Variants in RICTOR observed in about 807,000 individuals in gnomAD.
The protein encoded by RICTOR is rapamycin-insensitive companion of mTOR.
A neutral mutation model predicts 214.9 loss-of-function variants in RICTOR; 49 were observed. The ratio of observed to expected loss-of-function variants is 0.23; its 90% CI spans 0.18 to 0.29. The LOEUF (loss-of-function observed/expected upper bound fraction) is 0.29, where lower values mean the gene tolerates loss of function less well. Ranked by LOEUF, RICTOR falls within the 10% of genes least tolerant of loss-of-function variation. The probability of loss-of-function intolerance (pLI) is 1.00; values close to 1 mark genes in which losing one functional copy is unlikely to be tolerated. For synonymous variants in RICTOR, 717 were observed against 711.3 expected (o/e 1.01, Z -0.13); for missense variants, 1,625 against 2,047.0 (o/e 0.79, Z 3.98).
At chr5:38,969,316 T>C (rs1376830219) in intron 11 of RICTOR, among the ~76,000 whole-genome samples, 11 of 151,922 alleles carry the variant, frequency 7.2e-5, no homozygotes, top group African/African-American at 2.4e-4. Flanking sequence ...TAAAAAAATT[T>C]AAAAACAGAA....
At chr5:39,065,707 G>A (rs1758855674) in intron 2 of RICTOR, among the ~76,000 whole-genome samples, 1 of 152,196 alleles carries the variant, frequency 6.6e-6, no homozygotes. Flanking sequence ...CAAAAGAAAG[G>A]GGCTACAGGC....
intron 21 of RICTOR, among the ~76,000 whole-genome samples, chr5:38,959,522 T>A (rs1749601374): frequency 6.6e-6 from 1 of 152,168 alleles, no homozygotes; most frequent in African/African-American, 2.4e-5. Flanking sequence ...CATACATAGT[T>A]ACTATTTTGA....
Position 39,021,332 on chromosome 5 carries a change from C to A in RICTOR, c.98-196G>T, listed in dbSNP as rs188600990. 2.8e-3 allele frequency among the ~76,000 whole-genome samples: 426 copies of A among 152,256 alleles called. 3 individuals are homozygous for A. The highest frequency in any genetic ancestry group is 0.01 in the African/African-American group (417 of 41,556). On this transcript the variant is annotated intron_variant, in intron 2 of 37. Coordinates refer to ENST00000357387, the MANE Select transcript of RICTOR (RefSeq NM_152756.5). ...AACTTCACATCTCTACTCCCCTGTA[C>A]CCATGGTCCAGCTCTGTATCATTGC...
chr5:39,032,885 TG>T (rs1447061638), intron 2 of RICTOR, among the ~76,000 whole-genome samples: 1 of 152,198 alleles, frequency 6.6e-6, no homozygotes, highest in African/African-American at 2.4e-5. Flanking sequence ...CAACCCAACT[TG>T]GGGAACAACT....
chr5:38,960,909 A>G (rs1421118716), intron 19 of RICTOR, among the ~76,000 whole-genome samples: 1 of 152,048 alleles, frequency 6.6e-6, no homozygotes, highest in Non-Finnish European at 1.5e-5. Context: ...CCATATGAAG[A>G]AGGATATGTT....
At chr5:38,954,642 A>G (rs1467654536) in intron 27 of RICTOR, 132 bp downstream of exon 27, 4 of 602,020 alleles carry the variant, frequency 6.6e-6, no homozygotes, top group Non-Finnish European at 1.2e-5. Flanking sequence ...AAATAGATGA[A>G]TTTAAAAGCA....
chr5:38,953,022 T>G lies in RICTOR; in HGVS notation c.2860A>C (p.Lys954Gln). Residue 954 changes from lysine (K) to glutamine (Q), a missense_variant, in exon 29 of 38, where the codon AAA (lysine) becomes CAA (glutamine). Around this residue, in one of 5 missense-constraint regions of RICTOR, gnomAD observed 1,214 missense variants for 1,470.5 expected, o/e 0.83. Coordinates refer to ENST00000357387, the MANE Select transcript of RICTOR (RefSeq NM_152756.5). The part of the protein sequence containing the change: ...QEENVIPDIL[K>Q]LAKQCEVLSI... ...AGAACTTCACACTGTTTTGCAAGTT[T>G]TAGTATATCTGGAATCACGTTTTCT... is the stretch of plus-strand genomic sequence containing the variant. 1 of 1,610,266 alleles carries G rather than the reference T, an allele frequency of 6.2e-7. No individual in the cohort carries two copies. Among genetic ancestry groups the G allele is most frequent in the African/African-American group, 1.3e-5 (1 of 74,852 alleles).
chr5:39,049,069 GAAAA>G (rs1290264944), intron 2 of RICTOR, among the ~76,000 whole-genome samples: 6 of 151,870 alleles, frequency 4.0e-5, no homozygotes, highest in Non-Finnish European at 8.8e-5. Context: ...ATGGTTAAGG[GAAAA>G]AAACACCAAG....
chr5:38,944,572 GA>G lies in RICTOR; in HGVS notation c.4790-4del. 1 of 1,583,368 alleles carries G rather than the reference GA, an allele frequency of 6.3e-7. No homozygotes were observed. Among genetic ancestry groups the G allele is most frequent in the Non-Finnish European group, 8.6e-7 (1 of 1,169,196 alleles). ...ATCATCTGGAATTGTTTTAACACCT[GA>G]AAAGATTTCAGGGAGAAGTTAAATA... On this transcript the variant is annotated splice_region_variant and splice_polypyrimidine_tract_variant and intron_variant, in intron 35 of 37. Coordinates refer to ENST00000357387, the MANE Select transcript of RICTOR (RefSeq NM_152756.5).
intron 15 of RICTOR, among the ~76,000 whole-genome samples, chr5:38,965,411 A>G (rs1289609162): frequency 6.6e-6 from 1 of 152,064 alleles, no homozygotes. Flanking sequence ...CCAGCTATCA[A>G]TGAAGACAAG....
At chr5:38,988,854 A>T (rs1008640897) in intron 7 of RICTOR, among the ~76,000 whole-genome samples, 7 of 152,174 alleles carry the variant, frequency 4.6e-5, no homozygotes, top group Admixed American at 1.3e-4. Context: ...CTGCTCAAGG[A>T]AATAAGAGAG....
chr5:38,973,134 G>A (rs1490478409), intron 10 of RICTOR, among the ~76,000 whole-genome samples: 1 of 152,128 alleles, frequency 6.6e-6, no homozygotes, highest in Admixed American at 6.5e-5. Context: ...AAGAGTATAA[G>A]AGAACTTTCT....
intron 3 of RICTOR, among the ~76,000 whole-genome samples, chr5:39,015,370 G>A (rs1478189405): frequency 6.6e-6 from 1 of 152,106 alleles, no homozygotes; most frequent in African/African-American, 2.4e-5. Context: ...TCAAGACACA[G>A]TACAATTAAA....
chr5:38,978,933 T>A (rs114889327), intron 8 of RICTOR, among the ~76,000 whole-genome samples: 1 of 152,196 alleles, frequency 6.6e-6, no homozygotes, highest in Non-Finnish European at 1.5e-5. Context: ...ATTATAGGCA[T>A]CCTCAAAGCT....
chr5:38,992,653 A>G (rs1348406439), intron 6 of RICTOR, among the ~76,000 whole-genome samples: 1 of 152,198 alleles, frequency 6.6e-6, no homozygotes, highest in Non-Finnish European at 1.5e-5. Flanking sequence ...AGATTGTGCT[A>G]TGAAATATAT....
chr5:38,965,770 A>G (rs1403845215), intron 15 of RICTOR, among the ~76,000 whole-genome samples: 2 of 152,086 alleles, frequency 1.3e-5, no homozygotes, highest in African/African-American at 2.4e-5. Flanking sequence ...CCTCACTCAC[A>G]TAGCCCAGTT....
intron 3 of RICTOR, among the ~76,000 whole-genome samples, chr5:39,005,344 CTCTT>C (rs1056819619): frequency 6.7e-6 from 1 of 149,620 alleles, no homozygotes; most frequent in Non-Finnish European, 1.5e-5. Flanking sequence ...TCCGTAAATC[CTCTT>C]TTTTTTTTTT....
At chr5:39,060,809 T>A (rs537367566) in intron 2 of RICTOR, among the ~76,000 whole-genome samples, 17 of 152,124 alleles carry the variant, frequency 1.1e-4, no homozygotes, top group Admixed American at 9.2e-4. Context: ...ATCTTATACA[T>A]GATGCTGTCT....
At chr5:39,011,543 C>A (rs1211866050) in intron 3 of RICTOR, among the ~76,000 whole-genome samples, 1 of 152,138 alleles carries the variant, frequency 6.6e-6, no homozygotes, top group African/African-American at 2.4e-5. Flanking sequence ...GGAAAAGCCA[C>A]AGGCACTCAA....
Sources: allele counts gnomAD v4.1 joint callset (sites outside exome capture counted in the v4.1 genomes callset), GRCh38; gene constraint gnomAD v4.1.1; regional missense constraint gnomAD v4.1.1; transcripts MANE v1.5; gene names NCBI Gene and HGNC (gene_info 2026-07-23, HGNC 2026-07-21).